The following GRIK1 variants were observed in gnomAD, a reference collection of about 807,000 sequenced individuals.
GRIK1 encodes the protein glutamate receptor ionotropic, kainate 1.
A neutral mutation model predicts 105.7 loss-of-function variants in GRIK1; 69 were observed. That is an observed-to-expected ratio of 0.65 (90% CI 0.54 to 0.80). The LOEUF (loss-of-function observed/expected upper bound fraction) is 0.80, where lower values mean the gene tolerates loss of function less well. Among genes scored for constraint, GRIK1 ranks in the 30% least tolerant of loss-of-function variants. GRIK1 has a pLI of 0.00. For missense variants in GRIK1, 1,109 were observed against 1,167.3 expected (o/e 0.95, Z 0.73); for synonymous variants, 438 against 431.3 (o/e 1.02, Z -0.19).
At chr21:29,796,723 C>A (rs966587755) in intron 1 of GRIK1, among the ~76,000 whole-genome samples, 1 of 152,030 alleles carries the variant, frequency 6.6e-6, no homozygotes, top group South Asian at 2.1e-4. Flanking sequence ...CCGAGGTGAG[C>A]AGATCACTTG....
At chr21:29,625,207 G>T (rs2062097741) in intron 7 of GRIK1, among the ~76,000 whole-genome samples, 1 of 152,136 alleles carries the variant, frequency 6.6e-6, no homozygotes, top group African/African-American at 2.4e-5. Context: ...AGGGGTAGAG[G>T]ACGGGCAACA....
intron 1 of GRIK1, among the ~76,000 whole-genome samples, chr21:29,935,140 C>T (rs1357255520): frequency 1.3e-5 from 2 of 152,210 alleles, no homozygotes; most frequent in East Asian, 3.8e-4. Flanking sequence ...ACTCTCCACA[C>T]TCTATGCACT....
At chr21:29,829,964 G>T (rs1475653719) in intron 1 of GRIK1, among the ~76,000 whole-genome samples, 1 of 152,050 alleles carries the variant, frequency 6.6e-6, no homozygotes, top group Admixed American at 6.6e-5. Context: ...AAAATGTGTT[G>T]CTTCTTGTCA....
chr21:29,638,334 G>A lies in GRIK1; in HGVS notation c.1098+4492C>T, dbSNP rs1009517885. Reference sequence around the variant, plus strand: ...CCCTTCTAAAACCGTCAGATCTCTTGAGAACTCAGTCACTATCACAAGAAC... The same window carrying A: ...CCCTTCTAAAACCGTCAGATCTCTTAAGAACTCAGTCACTATCACAAGAAC... On this transcript the variant is annotated intron_variant, in intron 7 of 17. Coordinates refer to ENST00000327783, the MANE Select transcript of GRIK1 (RefSeq NM_001330994.2). Among the ~76,000 whole-genome samples the A allele has an allele frequency of 7.2e-5, 11 of 152,164 alleles. No homozygotes were observed. The South Asian group carries it at 2.3e-3, about 32-fold the overall frequency.
At chr21:29,632,038 C>G (rs757620952) in intron 7 of GRIK1, among the ~76,000 whole-genome samples, 2 of 152,186 alleles carry the variant, frequency 1.3e-5, no homozygotes, top group South Asian at 2.1e-4. Context: ...GACAAGTACA[C>G]TGATGTGTAT....
chr21:29,711,214 A>G (rs1303648145), intron 1 of GRIK1, among the ~76,000 whole-genome samples: 3 of 152,136 alleles, frequency 2.0e-5, no homozygotes, highest in Non-Finnish European at 4.4e-5. Flanking sequence ...GATAGACTGT[A>G]TATATGAAGG....
At chr21:29,663,118 G>A (rs1367436931) in intron 4 of GRIK1, among the ~76,000 whole-genome samples, 1 of 152,190 alleles carries the variant, frequency 6.6e-6, no homozygotes, top group African/African-American at 2.4e-5. Flanking sequence ...TAGAGATAAA[G>A]CATAGTTATA....
At chr21:29,591,850 G>A (rs1012179384) in intron 9 of GRIK1, among the ~76,000 whole-genome samples, 2 of 151,904 alleles carry the variant, frequency 1.3e-5, no homozygotes, top group African/African-American at 4.8e-5. Context: ...GGTGTTCAAG[G>A]CCAGCCTGGG....
chr21:29,847,169 C>CG (rs1569155413), intron 1 of GRIK1, among the ~76,000 whole-genome samples: 1 of 152,064 alleles, frequency 6.6e-6, no homozygotes. Context: ...CTTAGCTCTC[C>CG]GCTCTTTTCT....
At chr21:29,861,282 T>G (rs1265504204) in intron 1 of GRIK1, among the ~76,000 whole-genome samples, 1 of 150,584 alleles carries the variant, frequency 6.6e-6, no homozygotes, top group Non-Finnish European at 1.5e-5. Flanking sequence ...ATCATTAAGA[T>G]GATAACTGTA....
At chr21:29,558,924 G>A (rs1424394562) in intron 15 of GRIK1, among the ~76,000 whole-genome samples, 1 of 152,058 alleles carries the variant, frequency 6.6e-6, no homozygotes, top group Non-Finnish European at 1.5e-5. Flanking sequence ...ATTCCATGCT[G>A]TAGAAGGAAT....
At chr21:29,798,555 A>G (rs2066617873) in intron 1 of GRIK1, among the ~76,000 whole-genome samples, 1 of 152,330 alleles carries the variant, frequency 6.6e-6, no homozygotes, top group Middle Eastern at 3.4e-3. Context: ...TTAACATTGT[A>G]TCACATTAAA....
intron 1 of GRIK1, among the ~76,000 whole-genome samples, chr21:29,902,274 G>A (rs930570530): frequency 3.3e-5 from 5 of 152,226 alleles, no homozygotes; most frequent in East Asian, 3.9e-4. Context: ...CCTATTCAGC[G>A]TAGTATTGGA....
At chr21:29,669,483 C>T (rs757122411) in intron 4 of GRIK1, among the ~76,000 whole-genome samples, 15 of 152,152 alleles carry the variant, frequency 9.9e-5, no homozygotes, top group Non-Finnish European at 1.8e-4. Context: ...TTTTTCCAGA[C>T]ATTTCTGAAA....
intron 4 of GRIK1, among the ~76,000 whole-genome samples, chr21:29,667,352 T>C (rs963668579): frequency 1.3e-5 from 2 of 152,168 alleles, no homozygotes; most frequent in Admixed American, 6.5e-5. Context: ...AGCATTGTCA[T>C]TGCACTTTCT....
rs1397776735 is a variant in GRIK1 at position 29,689,796 on chromosome 21, C to T, written c.476G>A (p.Arg159Lys). The T allele has an allele frequency of 6.2e-7, 1 of 1,613,900 alleles. No homozygotes were observed. Among genetic ancestry groups the T allele is most frequent in the African/African-American group, 1.3e-5 (1 of 75,026 alleles). The change falls in exon 3 of 18, where the codon AGG becomes AAG. Residue 159 changes from arginine to lysine, a missense_variant. Coordinates refer to ENST00000327783, the MANE Select transcript of GRIK1 (RefSeq NM_001330994.2). ...ATAGAGGACCAGATCCAGGATCGCCCTGCTGATAGCTGCATAATCTGGGTA... is the reference window on the plus strand; with the variant it reads ...ATAGAGGACCAGATCCAGGATCGCCTTGCTGATAGCTGCATAATCTGGGTA... Reference protein sequence around the residue: ...NLYPDYAAISRAILDLVLYYN... With the variant: ...NLYPDYAAISKAILDLVLYYN...
chr21:29,756,244 A>G (rs897082359), intron 1 of GRIK1, among the ~76,000 whole-genome samples: 4 of 151,880 alleles, frequency 2.6e-5, no homozygotes, highest in Non-Finnish European at 5.9e-5. Flanking sequence ...TGTGTGGTGT[A>G]GTGGCGGGCG....
rs149520429 is a variant in GRIK1 at position 29,689,739 on chromosome 21, T to C, written c.533A>G (p.Glu178Gly). 1 of 1,613,738 alleles carries C rather than the reference T, an allele frequency of 6.2e-7. No individual in the cohort carries two copies. The highest frequency in any genetic ancestry group is 1.3e-5 in the African/African-American group (1 of 74,894). Reference protein sequence around the residue: ...YNWKTVTVVYEDSTGLIRLQE... With the variant: ...YNWKTVTVVYGDSTGLIRLQE... ...TGTGAGTCCCATACCTGTGCTGTCT[T>C]CATACACCACTGTCACTGTTTTCCA... The change falls in exon 3 of 18, where the codon GAA (glutamate) becomes GGA (glycine). Residue 178 changes from glutamate to glycine, a missense_variant. This residue lies in a region of GRIK1 where 612 missense variants were observed against 586.0 expected (regional missense o/e 1.04). Transcript: ENST00000327783.
At chr21:29,671,328 T>C (rs1245091739) in intron 4 of GRIK1, among the ~76,000 whole-genome samples, 3 of 152,100 alleles carry the variant, frequency 2.0e-5, no homozygotes, top group Non-Finnish European at 4.4e-5. Context: ...TTTCACCATG[T>C]TGGCCAGGCT....
Sources: gnomAD v4.1 joint callset for allele counts (sites outside exome capture counted in the v4.1 genomes callset) on GRCh38, gnomAD v4.1.1 for gene constraint, gnomAD v4.1.1 regional missense constraint, MANE v1.5 for transcripts, NCBI Gene and HGNC (gene_info 2026-07-23, HGNC 2026-07-21) for gene names.